Variants in SORBS2 observed in about 807,000 individuals in gnomAD.
SORBS2 encodes sorbin and SH3 domain containing 2.
In SORBS2, 46 loss-of-function variants were observed where a neutral mutation model predicts 97.7. The observed-to-expected ratio is 0.47, with a 90% confidence interval of 0.37 to 0.60. The LOEUF (loss-of-function observed/expected upper bound fraction) is 0.60. SORBS2 is among the 20% of genes least tolerant of loss of function. The pLI is 0.00. For synonymous variants in SORBS2, 476 were observed against 473.4 expected, an observed-to-expected ratio of 1.01 and a Z score of -0.07; for missense variants, 1,316 against 1,282.3, an observed-to-expected ratio of 1.03 and a Z score of -0.40.
intron 1 of SORBS2, among the ~76,000 whole-genome samples, chr4:185,915,547 A>C (rs1245525220): frequency 1.3e-5 from 2 of 152,166 alleles, no homozygotes; most frequent in Non-Finnish European, 2.9e-5. Flanking sequence ...CAGACGTTTG[A>C]CATCTATTTT....
chr4:185,812,161 G>C (rs2099187634), intron 1 of SORBS2: 1 of 152,198 alleles, frequency 6.6e-6, no homozygotes, highest in South Asian at 2.1e-4. Context: ...ATGTATAAAA[G>C]AGGCTTCTTC....
chr4:185,768,668 C>T (rs901624243), intron 2 of SORBS2, among the ~76,000 whole-genome samples: 9 of 140,718 alleles, frequency 6.4e-5, no homozygotes, highest in African/African-American at 2.1e-4. Flanking sequence ...CACAGCACTC[C>T]AGCTTGGGCA....
chr4:185,930,358 G>A (rs571255396), intron 1 of SORBS2, among the ~76,000 whole-genome samples: 12 of 152,062 alleles, frequency 7.9e-5, no homozygotes, highest in Admixed American at 2.0e-4. Context: ...GCAGTGGTGC[G>A]ATCTCGGCTC....
intron 2 of SORBS2, among the ~76,000 whole-genome samples, chr4:185,759,833 C>G (rs2098859253): frequency 6.6e-6 from 1 of 152,110 alleles, no homozygotes; most frequent in Admixed American, 6.5e-5. Flanking sequence ...TCTTATGTTA[C>G]TAATATAGTC....
chr4:185,729,103 C>T (rs531566804), intron 2 of SORBS2, among the ~76,000 whole-genome samples: 11 of 152,148 alleles, frequency 7.2e-5, no homozygotes, highest in Non-Finnish European at 1.3e-4. Flanking sequence ...CTATAAATGG[C>T]GGTTGTTCAT....
chr4:185,891,447 C>T (rs570070128), intron 1 of SORBS2, among the ~76,000 whole-genome samples: 39 of 152,294 alleles, frequency 2.6e-4, no homozygotes, highest in Non-Finnish European at 5.1e-4. Context: ...AAGGAACAGA[C>T]GTACACAATT....
intron 2 of SORBS2, among the ~76,000 whole-genome samples, chr4:185,745,773 C>T (rs756265618): frequency 5.9e-5 from 9 of 152,198 alleles, no homozygotes; most frequent in Non-Finnish European, 1.0e-4. Flanking sequence ...CCCCCTCCCC[C>T]GATTTGAAGA....
At chr4:185,894,017 C>G (rs2099243807) in intron 1 of SORBS2, among the ~76,000 whole-genome samples, 1 of 152,166 alleles carries the variant, frequency 6.6e-6, no homozygotes, top group Admixed American at 6.5e-5. Flanking sequence ...CAGATTTTCC[C>G]TACAGATGCA....
At chr4:185,630,523 C>T (rs1417116386) in intron 5 of SORBS2, 26 bp downstream of exon 17, 2 of 1,472,156 alleles carry the variant, frequency 1.4e-6, no homozygotes, top group East Asian at 4.6e-5. Context: ...ATAGAATATT[C>T]TGCTACAACA....
At chr4:185,934,852 C>T (rs1410464491) in intron 1 of SORBS2, among the ~76,000 whole-genome samples, 2 of 151,762 alleles carry the variant, frequency 1.3e-5, no homozygotes, top group African/African-American at 2.4e-5. Context: ...ATACTCAAGA[C>T]GGGGTCTGTC....
intron 1 of SORBS2, among the ~76,000 whole-genome samples, chr4:185,884,893 A>G (rs547616271): frequency 1.3e-5 from 2 of 152,308 alleles, no homozygotes; most frequent in East Asian, 3.9e-4. Context: ...GATTTTAGTA[A>G]TCAAGTTACA....
chr4:185,768,813 T>C (rs1354679142), intron 2 of SORBS2, among the ~76,000 whole-genome samples: 1 of 152,124 alleles, frequency 6.6e-6, no homozygotes, highest in African/African-American at 2.4e-5. Context: ...CCTGTTCTTC[T>C]GAAAAAGCAA....
At chr4:185,939,596 T>C (rs1448371899) in intron 1 of SORBS2, among the ~76,000 whole-genome samples, 2 of 152,166 alleles carry the variant, frequency 1.3e-5, no homozygotes, top group Non-Finnish European at 2.9e-5. Flanking sequence ...CCGCAACCTC[T>C]GCCTCCCAGG....
intron 1 of SORBS2, among the ~76,000 whole-genome samples, chr4:185,877,883 A>AAAAAAAAAAAAAAAAAAG (rs1344109012): frequency 4.1e-5 from 6 of 145,178 alleles, no homozygotes; most frequent in Non-Finnish European, 3.0e-5. Flanking sequence ...ACAAAAAAAA[A>AAAAAAAAAAAAAAAAAAG]AAAGAAAGAA....
exon 1 of SORBS2, chr4:185,656,809 T>A: frequency 7.2e-7 from 1 of 1,390,584 alleles, no homozygotes; most frequent in Non-Finnish European, 9.3e-7. Flanking sequence ...TTTTAAAACT[T>A]AAAAAAAAAT....
At chr4:185,913,645 G>C (rs1391665243) in intron 1 of SORBS2, among the ~76,000 whole-genome samples, 1 of 152,122 alleles carries the variant, frequency 6.6e-6, no homozygotes, top group Non-Finnish European at 1.5e-5. Context: ...TGACTAGTTG[G>C]TTATTGTTAG....
chr4:185,922,055 C>T (rs994765333), intron 1 of SORBS2, among the ~76,000 whole-genome samples: 1 of 152,180 alleles, frequency 6.6e-6, no homozygotes, highest in Admixed American at 6.5e-5. Context: ...TCAACATAGT[C>T]CTTTCATTGG....
At chr4:185,651,853 T>C (rs941023850) in intron 2 of SORBS2, 25 bp from the exon 11 acceptor site, 1 of 1,127,626 alleles carries the variant, frequency 8.9e-7, no homozygotes, top group African/African-American at 1.5e-5. Context: ...ATAAATATTA[T>C]GGTAATATAG....
chr4:185,624,024 T>A lies in SORBS2; in HGVS notation c.1105A>T (p.Met369Leu), dbSNP rs765225481. 53 of 1,614,070 alleles carry A rather than the reference T, an allele frequency of 3.3e-5. No individual in the cohort carries two copies. In the East Asian group the frequency reaches 1.2e-3, roughly 35 times the overall value. Reference sequence around the variant, plus strand: ...ACGGAGCAGATCACCTCGGAGTTCATCAGGTCCTTGCGGTTGATGCGGTGC... The same window carrying A: ...ACGGAGCAGATCACCTCGGAGTTCAACAGGTCCTTGCGGTTGATGCGGTGC... Residue 369 changes from methionine to leucine, a missense_variant, in exon 7 of 15, where the codon ATG (methionine) becomes TTG (leucine). By Grantham distance (15) the Met-to-Leu change is conservative. Transcript: ENST00000418609.
Sources: allele counts gnomAD v4.1 joint callset (sites outside exome capture counted in the v4.1 genomes callset), GRCh38; gene constraint gnomAD v4.1.1; transcripts MANE v1.5; gene names NCBI Gene and HGNC (gene_info 2026-07-23, HGNC 2026-07-21).